The following ADCY2 variants were observed in gnomAD, a reference collection of about 807,000 sequenced individuals.
The protein encoded by ADCY2 is adenylate cyclase 2, also known as adenylate cyclase type 2.
In ADCY2, 31 loss-of-function variants were observed where a neutral mutation model predicts 125.2. That is an observed-to-expected ratio of 0.25 (90% CI 0.19 to 0.33). The LOEUF is 0.33. Ranked by LOEUF, ADCY2 falls within the 10% of genes least tolerant of loss-of-function variation. ADCY2 has a pLI of 1.00. For synonymous variants in ADCY2, 512 were observed against 548.4 expected (o/e 0.93, Z 0.93); for missense variants, 904 against 1,418.2 (o/e 0.64, Z 5.82).
chr5:7,815,091 G>A (rs1184604082), intron 22 of ADCY2, among the ~76,000 whole-genome samples: 2 of 152,200 alleles, frequency 1.3e-5, no homozygotes, highest in African/African-American at 4.8e-5. Context: ...CGAATGCACA[G>A]CGGTCAGCTT....
intron 3 of ADCY2, among the ~76,000 whole-genome samples, chr5:7,521,682 A>G (rs1193876516): frequency 6.6e-6 from 1 of 152,216 alleles, no homozygotes; most frequent in African/African-American, 2.4e-5. Context: ...TAGGTCACCT[A>G]AGCCCTGCTG....
chr5:7,762,294 T>G lies in ADCY2; in HGVS notation c.2095-4393T>G, dbSNP rs115971701. On this transcript the variant is annotated intron_variant, in intron 16 of 24. Coordinates refer to ENST00000338316, the MANE Select transcript of ADCY2 (RefSeq NM_020546.3). ...TGTTAGGTACAGAAAGGAAGTAACA[T>G]GACCTGGCTGTAGAGCCTTGTTTAT... Among the ~76,000 whole-genome samples the G allele has an allele frequency of 3.4e-3, 513 of 152,364 alleles. 7 individuals carry two copies. Among genetic ancestry groups the G allele is most frequent in the African/African-American group, 0.012 (500 of 41,588 alleles).
intron 3 of ADCY2, among the ~76,000 whole-genome samples, chr5:7,526,056 T>C (rs1579536995): frequency 6.6e-6 from 1 of 151,806 alleles, no homozygotes; most frequent in African/African-American, 2.4e-5. Flanking sequence ...CTCACCTGGG[T>C]GTCCTCTTCC....
intron 14 of ADCY2, among the ~76,000 whole-genome samples, chr5:7,737,042 A>G (rs1311598697): frequency 6.6e-6 from 1 of 152,216 alleles, no homozygotes; most frequent in African/African-American, 2.4e-5. Flanking sequence ...AAAGGAAGGA[A>G]TTTAGGGAAG....
intron 17 of ADCY2, among the ~76,000 whole-genome samples, chr5:7,772,580 G>A (rs1002155264): frequency 6.6e-6 from 1 of 152,200 alleles, no homozygotes; most frequent in Admixed American, 6.5e-5. Flanking sequence ...TTTAAGGAAT[G>A]TATAGGAGGC....
chr5:7,710,345 G>C (rs552130874), intron 10 of ADCY2, among the ~76,000 whole-genome samples: 1 of 152,298 alleles, frequency 6.6e-6, no homozygotes, highest in South Asian at 2.1e-4. Flanking sequence ...CCGTAAGATT[G>C]CACAAGTCCT....
chr5:7,690,925 C>T, intron 5 of ADCY2, 86 bp downstream of exon 5: 1 of 1,358,646 alleles, frequency 7.4e-7, no homozygotes, highest in Non-Finnish European at 9.7e-7. Flanking sequence ...CTCATATCAC[C>T]ATCTCTCCTT....
chr5:7,589,513 A>AGAAAG, intron 3 of ADCY2, among the ~76,000 whole-genome samples: 1 of 103,342 alleles, frequency 9.7e-6, no homozygotes, highest in African/African-American at 3.2e-5. Flanking sequence ...AAAGAAAGAA[A>AGAAAG]AGAAAAGAAA....
chr5:7,757,695 CCATA>C, intron 16 of ADCY2, 109 bp downstream of exon 16: 2 of 1,450,936 alleles, frequency 1.4e-6, no homozygotes, highest in Middle Eastern at 2.6e-4. Flanking sequence ...AAGCCCCACA[CCATA>C]GCTGTGTTCA....
intron 4 of ADCY2, among the ~76,000 whole-genome samples, chr5:7,653,018 T>A (rs1338210872): frequency 1.3e-5 from 2 of 152,146 alleles, no homozygotes; most frequent in Non-Finnish European, 2.9e-5. Context: ...TGATGCTGAG[T>A]TGTTTCCATG....
intron 4 of ADCY2, among the ~76,000 whole-genome samples, chr5:7,669,185 G>A (rs113594576): frequency 2.0e-5 from 3 of 152,204 alleles, no homozygotes; most frequent in African/African-American, 7.2e-5. Flanking sequence ...GATGAGCCAA[G>A]TCCAAATTCC....
At chr5:7,475,150 G>C (rs1186669960) in intron 2 of ADCY2, among the ~76,000 whole-genome samples, 2 of 152,208 alleles carry the variant, frequency 1.3e-5, no homozygotes, top group Non-Finnish European at 2.9e-5. Context: ...TGCTTCTCCA[G>C]CACATAGGTG....
At chr5:7,631,160 C>T (rs1379834130) in intron 4 of ADCY2, among the ~76,000 whole-genome samples, 1 of 152,098 alleles carries the variant, frequency 6.6e-6, no homozygotes, top group Non-Finnish European at 1.5e-5. Context: ...CTGCTTTACT[C>T]TTATGGCTTC....
At chr5:7,785,152 G>A (rs1403547891) in intron 19 of ADCY2, among the ~76,000 whole-genome samples, 1 of 152,218 alleles carries the variant, frequency 6.6e-6, no homozygotes, top group Non-Finnish European at 1.5e-5. Context: ...AGTGATTTAT[G>A]TATTTGGAAC....
chr5:7,724,114 C>CAAAAACAAAAA (rs1741857830), intron 12 of ADCY2, among the ~76,000 whole-genome samples: 1 of 76,560 alleles, frequency 1.3e-5, no homozygotes, highest in Non-Finnish European at 2.3e-5. Flanking sequence ...TAGAAGCTAA[C>CAAAAACAAAAA]AAAAAAAAAA....
chr5:7,760,431 C>T (rs1047522605), intron 16 of ADCY2, among the ~76,000 whole-genome samples: 1 of 152,188 alleles, frequency 6.6e-6, no homozygotes, highest in Admixed American at 6.5e-5. Context: ...CCAATTTACT[C>T]AGAACCCTTG....
At chr5:7,825,949 G>A (rs1745463289) in intron 24 of ADCY2, among the ~76,000 whole-genome samples, 1 of 152,234 alleles carries the variant, frequency 6.6e-6, no homozygotes, top group Admixed American at 6.5e-5. Context: ...TGGTTCAGCT[G>A]CCGGGTCCCT....
At chr5:7,589,908 T>C (rs551920613) in intron 3 of ADCY2, among the ~76,000 whole-genome samples, 79 of 152,306 alleles carry the variant, frequency 5.2e-4, no homozygotes, top group African/African-American at 1.9e-3. Flanking sequence ...TTATGCAATG[T>C]TAAATGGGTC....
intron 3 of ADCY2, among the ~76,000 whole-genome samples, chr5:7,580,045 T>C (rs554035826): frequency 3.9e-5 from 6 of 152,224 alleles, no homozygotes; most frequent in African/African-American, 1.2e-4. Flanking sequence ...TTCTCAGTAA[T>C]AAGTGGGAGC....
Sources: allele counts gnomAD v4.1 joint callset (sites outside exome capture counted in the v4.1 genomes callset), GRCh38; gene constraint gnomAD v4.1.1; transcripts MANE v1.5; gene names NCBI Gene and HGNC (gene_info 2026-07-23, HGNC 2026-07-21).